Variants in CNTRL observed in about 807,000 individuals in gnomAD.
CNTRL encodes centriolin.
CNTRL carries 233 observed loss-of-function variants against 303.7 expected under a neutral mutation model. The observed-to-expected ratio is 0.77, with a 90% CI of 0.69 to 0.86. CNTRL has a LOEUF of 0.86. CNTRL is among the 40% of genes least tolerant of loss of function. The pLI is 0.00. For synonymous variants in CNTRL, 900 were observed against 922.2 expected (o/e 0.98, Z 0.44); for missense variants, 2,524 against 2,650.6 (o/e 0.95, Z 1.05).
chr9:121,080,117 TG>T (rs1239711420), intron 1 of CNTRL, among the ~76,000 whole-genome samples, 188 bp from the exon 2 acceptor site: 1 of 152,214 alleles, frequency 6.6e-6, no homozygotes, highest in African/African-American at 2.4e-5. Context: ...ACATGGGTTT[TG>T]AATTAAATCA....
At chr9:121,090,495 A>G in intron 4 of CNTRL, 90 bp downstream of exon 4, 2 of 1,203,368 alleles carry the variant, frequency 1.7e-6, no homozygotes, top group Non-Finnish European at 2.3e-6. Flanking sequence ...AATGTCACCT[A>G]ATTTGTGGCA....
At chr9:121,076,860 A>G (rs78426384) in intron 1 of CNTRL, among the ~76,000 whole-genome samples, 17,354 of 152,214 alleles carry the variant, frequency 0.11, 1,224 homozygotes, top group East Asian at 0.18. Context: ...TATGGGATGA[A>G]GTAGACTTGG....
chr9:121,133,545 CT>C (rs1205812422), intron 14 of CNTRL, among the ~76,000 whole-genome samples: 1 of 152,180 alleles, frequency 6.6e-6, no homozygotes, highest in African/African-American at 2.4e-5. Context: ...CAGGTACTGT[CT>C]TCTGTGAATG....
intron 27 of CNTRL, 99 bp from the exon 28 acceptor site, chr9:121,157,371 A>T: frequency 8.2e-7 from 1 of 1,219,188 alleles, no homozygotes; most frequent in Non-Finnish European, 1.1e-6. Context: ...GTCTTTCTGT[A>T]CCATCTTGTT....
chr9:121,161,699 A>AT (rs2052861896), intron 32 of CNTRL, among the ~76,000 whole-genome samples, 157 bp from the exon 33 acceptor site: 1 of 152,212 alleles, frequency 6.6e-6, no homozygotes, highest in Non-Finnish European at 1.5e-5. Flanking sequence ...CTTTTAGAGA[A>AT]TTTTTTATTA....
At chr9:121,139,776 G>C (rs73660407) in intron 16 of CNTRL, among the ~76,000 whole-genome samples, 394 of 152,220 alleles carry the variant, frequency 2.6e-3, no homozygotes, top group African/African-American at 9.2e-3. Flanking sequence ...CACCTCTTTT[G>C]TTGCTGGAAT....
At chr9:121,075,437 G>A (rs1303615136) in intron 1 of CNTRL, among the ~76,000 whole-genome samples, 1 of 152,228 alleles carries the variant, frequency 6.6e-6, no homozygotes, top group Non-Finnish European at 1.5e-5. Flanking sequence ...GAGTGAGCGG[G>A]AGAAAGGACA....
At chr9:121,125,170 CTTTTTT>C (rs759688532) in intron 13 of CNTRL, among the ~76,000 whole-genome samples, 1 of 142,666 alleles carries the variant, frequency 7.0e-6, no homozygotes, top group African/African-American at 2.6e-5. Context: ...GTAAATTAAA[CTTTTTT>C]TTTTTTTTTG....
In CNTRL at chr9:121,152,603, A is replaced by T; in HGVS notation, c.4082A>T (p.His1361Leu). 6.2e-7 allele frequency: 1 copy of T among 1,614,060 alleles called. No homozygotes were observed. The highest frequency in any genetic ancestry group is 8.5e-7 in the Non-Finnish European group (1 of 1,179,892). Residue 1361 changes from histidine to leucine, a missense_variant, in exon 26 of 44, where the codon CAT (histidine) becomes CTT (leucine). Coordinates refer to ENST00000373855, the MANE Select transcript of CNTRL (RefSeq NM_007018.6). ...QSEKEMEELH[H>L]NIDDLLQEKK... Reference sequence around the variant, plus strand: ...GAGAAAGAAATGGAAGAACTGCATCATAATATTGATGATCTTTTGCAAGAG... The same window carrying T: ...GAGAAAGAAATGGAAGAACTGCATCTTAATATTGATGATCTTTTGCAAGAG...
chr9:121,105,671 G>T (rs1005281296), intron 7 of CNTRL, among the ~76,000 whole-genome samples: 4 of 152,178 alleles, frequency 2.6e-5, no homozygotes, highest in African/African-American at 9.7e-5. Flanking sequence ...GTGGGAAATA[G>T]CCCAGAGAAG....
Position 121,075,433 on chromosome 9 carries a change from G to A in CNTRL, c.-205+366G>A, listed in dbSNP as rs570954726. 7.9e-5 allele frequency among the ~76,000 whole-genome samples: 12 copies of A among 152,348 alleles called. No homozygotes were observed. In the South Asian group the frequency reaches 2.3e-3, roughly 29 times the overall value. On this transcript the variant is annotated intron_variant, in intron 1 of 43. Coordinates refer to ENST00000373855, the MANE Select transcript of CNTRL (RefSeq NM_007018.6). ...TGTGCCAGCTGTCTGTGGGGAGTGA[G>A]CGGGAGAAAGGACAGTTTGGGCGTC...
chr9:121,175,356 TC>T, intron 43 of CNTRL, 132 bp downstream of exon 43: 1 of 781,816 alleles, frequency 1.3e-6, no homozygotes, highest in Non-Finnish European at 2.2e-6. Context: ...AGCCTTGACC[TC>T]CCAGGCTCAA....
At chr9:121,112,421 G>T (rs1322284623) in intron 8 of CNTRL, 38 bp from the exon 9 acceptor site, 1 of 1,598,276 alleles carries the variant, frequency 6.3e-7, no homozygotes, top group Admixed American at 1.7e-5. Flanking sequence ...CTAACTTACT[G>T]ATCCTGTATG....
At chr9:121,105,633 C>T (rs2049429139) in intron 7 of CNTRL, among the ~76,000 whole-genome samples, 1 of 152,128 alleles carries the variant, frequency 6.6e-6, no homozygotes, top group Admixed American at 6.5e-5. Context: ...AAAGAGAGGC[C>T]AGCAAGGTAG....
At chr9:121,105,101 G>A (rs574993553) in intron 7 of CNTRL, among the ~76,000 whole-genome samples, 3 of 152,212 alleles carry the variant, frequency 2.0e-5, no homozygotes, top group Admixed American at 6.5e-5. Flanking sequence ...GAAGGGACCT[G>A]TTAGGAGGCT....
At chr9:121,169,585 A>G in intron 38 of CNTRL, 26 bp from the exon 39 acceptor site, 1 of 1,612,818 alleles carries the variant, frequency 6.2e-7, no homozygotes, top group Non-Finnish European at 8.5e-7. Context: ...GTCTTTGGCT[A>G]AACCTACTGA....
rs140784356 is a variant in CNTRL, at chr9:121,082,584, G to A, written c.-32+2106G>A. Among the ~76,000 whole-genome samples, 555 of 152,332 alleles carry A rather than the reference G, an allele frequency of 3.6e-3. 3 individuals are homozygous for A. Among genetic ancestry groups the A allele is most frequent in the Non-Finnish European group, 6.9e-3 (469 of 68,018 alleles). On this transcript the variant is annotated intron_variant, in intron 2 of 43. Coordinates refer to ENST00000373855, the MANE Select transcript of CNTRL (RefSeq NM_007018.6). ...ACACAAACCTAGATGGTATAGGATA[G>A]CCTGTTGCTCCTAGACTACAAACCT...
chr9:121,143,113 G>A (rs1205088174), intron 19 of CNTRL, among the ~76,000 whole-genome samples: 1 of 152,034 alleles, frequency 6.6e-6, no homozygotes, highest in Admixed American at 6.5e-5. Context: ...ACCCTTTTCT[G>A]TGGTGAGCTT....
rs1333419522 is a variant in CNTRL, at chr9:121,177,271, T to C, written c.*85T>C. On this transcript the variant is annotated 3_prime_UTR_variant, in exon 44 of 44. Transcript: ENST00000373855. ...ATAATTGGAATGTCACATGGTTTTT[T>C]TAATCAAGATGCAGTGAACTGAGAT... The C allele has an allele frequency of 1.7e-6, 2 of 1,147,154 alleles. No individual in the cohort carries two copies. The highest frequency in any genetic ancestry group is 2.6e-6 in the Non-Finnish European group (2 of 769,750). 71.1% of individuals were successfully genotyped at this position (1,147,154 alleles called of 1,614,324 possible).
Sources: gnomAD v4.1 joint callset for allele counts (sites outside exome capture counted in the v4.1 genomes callset) on GRCh38, gnomAD v4.1.1 for gene constraint, MANE v1.5 for transcripts, NCBI Gene and HGNC (gene_info 2026-07-23, HGNC 2026-07-21) for gene names.